The following LIN7A variants were observed in gnomAD, a reference collection of about 807,000 sequenced individuals.
LIN7A encodes protein lin-7 homolog A.
A neutral mutation model predicts 29.8 loss-of-function variants in LIN7A; 25 were observed. The ratio of observed to expected loss-of-function variants is 0.84; its 90% CI spans 0.61 to 1.17. LIN7A has a LOEUF of 1.17. LIN7A is among the 50% of genes most tolerant of loss of function. LIN7A has a pLI of 0.00. For synonymous variants in LIN7A, 118 were observed against 107.5 expected, an observed-to-expected ratio of 1.10 and a Z score of -0.60; for missense variants, 239 against 287.0, an observed-to-expected ratio of 0.83 and a Z score of 1.21.
intron 4 of LIN7A, among the ~76,000 whole-genome samples, chr12:80,816,343 C>A (rs1225962855): frequency 6.6e-6 from 1 of 151,432 alleles, no homozygotes; most frequent in Non-Finnish European, 1.5e-5. Flanking sequence ...CCCAGGAGGT[C>A]GGGGCTGTGG....
intron 1 of LIN7A, among the ~76,000 whole-genome samples, chr12:80,894,855 A>C (rs1875803986): frequency 6.6e-6 from 1 of 152,182 alleles, no homozygotes; most frequent in Non-Finnish European, 1.5e-5. Context: ...AGAGATTACT[A>C]TTATTTATAC....
chr12:80,922,417 C>G (rs770215350), intron 1 of LIN7A, among the ~76,000 whole-genome samples: 1 of 152,184 alleles, frequency 6.6e-6, no homozygotes, highest in Non-Finnish European at 1.5e-5. Flanking sequence ...GGAAAGAAGA[C>G]TTGGGGCACT....
intron 4 of LIN7A, among the ~76,000 whole-genome samples, chr12:80,829,009 T>C (rs917172405): frequency 6.6e-6 from 1 of 152,206 alleles, no homozygotes; most frequent in Admixed American, 6.5e-5. Flanking sequence ...TTTACATATT[T>C]ATTGTATATT....
intron 5 of LIN7A, among the ~76,000 whole-genome samples, chr12:80,802,666 CT>C (rs1365745001): frequency 0.012 from 1,676 of 140,340 alleles, 8 homozygotes; most frequent in Non-Finnish European, 0.014. Context: ...TAAAATTTTA[CT>C]TTTTTTTTTT....
intron 3 of LIN7A, among the ~76,000 whole-genome samples, chr12:80,846,332 C>T (rs900994200): frequency 3.9e-5 from 6 of 152,102 alleles, no homozygotes; most frequent in Admixed American, 3.3e-4. Flanking sequence ...GCAGAGATGG[C>T]GTCTTGCACT....
chr12:80,847,626 G>A (rs980564500), intron 3 of LIN7A, among the ~76,000 whole-genome samples: 2 of 151,710 alleles, frequency 1.3e-5, no homozygotes, highest in Admixed American at 1.3e-4. Flanking sequence ...GTTTAAAATT[G>A]GTATTTCCTA....
intron 1 of LIN7A, among the ~76,000 whole-genome samples, chr12:80,921,573 C>A (rs1877308975): frequency 6.6e-6 from 1 of 151,286 alleles, no homozygotes; most frequent in Admixed American, 6.6e-5. Flanking sequence ...TGGGAGGGAG[C>A]ATGCTCTGCT....
chr12:80,839,375 A>G (rs1420546695), intron 4 of LIN7A, among the ~76,000 whole-genome samples: 1 of 152,120 alleles, frequency 6.6e-6, no homozygotes, highest in African/African-American at 2.4e-5. Flanking sequence ...TAATAATAAC[A>G]CCTACCACTG....
chr12:80,818,798 C>T (rs1160666498), intron 4 of LIN7A, among the ~76,000 whole-genome samples: 1 of 152,128 alleles, frequency 6.6e-6, no homozygotes, highest in South Asian at 2.1e-4. Flanking sequence ...ACACACTACT[C>T]TAAACCCAAA....
intron 1 of LIN7A, among the ~76,000 whole-genome samples, chr12:80,907,466 A>T (rs1239566879): frequency 6.6e-6 from 1 of 152,198 alleles, no homozygotes; most frequent in Non-Finnish European, 1.5e-5. Context: ...TTGGAAGTCA[A>T]CAGTCCTTGT....
Position 80,889,386 on chromosome 12 carries a change from G to T in LIN7A, c.83-17C>A. ...TTGCAACATCTGAATGAAAAAAAAT[G>T]AAAATAGAGAAACCTAGAATAAATT... On this transcript the variant is annotated splice_polypyrimidine_tract_variant and intron_variant, in intron 1 of 5. Transcript: ENST00000552864. 7.2e-7 allele frequency: 1 copy of T among 1,388,050 alleles called. No individual in the cohort carries two copies. The highest frequency in any genetic ancestry group is 1.0e-6 in the Non-Finnish European group (1 of 977,144). The allele number at this position is 1,388,050 out of a possible 1,614,324, so 86.0% of individuals were successfully genotyped here.
At chr12:80,931,084 A>T (rs1471851859) in intron 1 of LIN7A, among the ~76,000 whole-genome samples, 3 of 152,190 alleles carry the variant, frequency 2.0e-5, no homozygotes, top group Non-Finnish European at 4.4e-5. Flanking sequence ...CACCATCTCT[A>T]ATACCCAGGA....
intron 4 of LIN7A, among the ~76,000 whole-genome samples, chr12:80,828,020 A>G (rs891550028): frequency 6.6e-6 from 1 of 152,142 alleles, no homozygotes; most frequent in Non-Finnish European, 1.5e-5. Flanking sequence ...CAACTCTACT[A>G]TCAGTTAGGG....
At chr12:80,819,762 A>G (rs1592860724) in intron 4 of LIN7A, among the ~76,000 whole-genome samples, 1 of 152,206 alleles carries the variant, frequency 6.6e-6, no homozygotes, top group East Asian at 1.9e-4. Flanking sequence ...TGAGCATTAA[A>G]TTTAACATAC....
rs774364789 is a variant in LIN7A at position 80,872,452 on chromosome 12, T to C, written c.201+16799A>G. On this transcript the variant is annotated intron_variant, in intron 2 of 5. Coordinates refer to ENST00000552864, the MANE Select transcript of LIN7A (RefSeq NM_004664.4). ...ATGTGATTTGAATCACACTCATAAT[T>C]ACAAACTCCTCAACCATAGTAATTT... 7.3e-4 allele frequency among the ~76,000 whole-genome samples: 111 copies of C among 152,284 alleles called. 1 individual carries two copies. Among genetic ancestry groups the C allele is most frequent in the Admixed American group, 1.3e-3 (20 of 15,302 alleles).
intron 2 of LIN7A, among the ~76,000 whole-genome samples, chr12:80,851,843 A>G (rs575427681): frequency 6.6e-6 from 1 of 152,164 alleles, no homozygotes; most frequent in Non-Finnish European, 1.5e-5. Context: ...GGGGTTTTAT[A>G]TATCTCAGCA....
At chr12:80,867,081 A>T (rs1208360659) in intron 2 of LIN7A, among the ~76,000 whole-genome samples, 2 of 151,988 alleles carry the variant, frequency 1.3e-5, no homozygotes, top group African/African-American at 4.8e-5. Context: ...CCCCCCAAGT[A>T]GCTGGGGTTA....
Position 80,811,550 on chromosome 12 carries a change from G to A in LIN7A, c.617C>T (p.Ala206Val). The change falls in exon 5 of 6, where the codon GCC becomes GTC. Residue 206 changes from alanine to valine, a missense_variant. Ala to Val is a moderately conservative substitution (Grantham distance 64). Coordinates refer to ENST00000552864, the MANE Select transcript of LIN7A (RefSeq NM_004664.4). ...CAATTGCTGCTGCTGCCGACGCCTG[G>A]CTGTTCGTAGCTTTTCAAAGCGAGC... ...MEARFEKLRTARRRQQQQLLI... is the reference protein window; with the variant it reads ...MEARFEKLRTVRRRQQQQLLI... 1 of 1,613,850 alleles carries A rather than the reference G, an allele frequency of 6.2e-7. No individual in the cohort carries two copies. Among genetic ancestry groups the A allele is most frequent in the Non-Finnish European group, 8.5e-7 (1 of 1,179,922 alleles).
At chr12:80,836,885 GA>G (rs1382752222) in intron 4 of LIN7A, among the ~76,000 whole-genome samples, 1 of 151,562 alleles carries the variant, frequency 6.6e-6, no homozygotes, top group Non-Finnish European at 1.5e-5. Context: ...AAAAATATCT[GA>G]AGGTCTTTGC....
Sources: allele counts gnomAD v4.1 joint callset (sites outside exome capture counted in the v4.1 genomes callset), GRCh38; gene constraint gnomAD v4.1.1; transcripts MANE v1.5; gene names NCBI Gene and HGNC (gene_info 2026-07-23, HGNC 2026-07-21).